The following ROBO1 variants were observed in gnomAD, a reference collection of about 807,000 sequenced individuals.
ROBO1 encodes the protein roundabout homolog 1.
Under a neutral mutation model 195.9 loss-of-function variants are expected in ROBO1, and 149 were observed. The ratio of observed to expected loss-of-function variants is 0.76; its 90% confidence interval spans 0.67 to 0.87. The LOEUF (loss-of-function observed/expected upper bound fraction) is 0.87, where lower values mean the gene tolerates loss of function less well. Among genes scored for constraint, ROBO1 ranks in the 40% least tolerant of loss-of-function variants. The probability of loss-of-function intolerance (pLI) is 0.00; values close to 1 mark genes in which losing one functional copy is unlikely to be tolerated. For synonymous variants in ROBO1, 816 were observed against 733.2 expected, an observed-to-expected ratio of 1.11 and a Z score of -1.82; for missense variants, 1,933 against 2,068.3, an observed-to-expected ratio of 0.93 and a Z score of 1.27.
intron 2 of ROBO1, among the ~76,000 whole-genome samples, chr3:79,153,568 T>C (rs1350323242): frequency 2.6e-5 from 4 of 151,518 alleles, no homozygotes; most frequent in Non-Finnish European, 5.9e-5. Flanking sequence ...TGCTATGTTA[T>C]TGTTAACACG....
intron 4 of ROBO1, among the ~76,000 whole-genome samples, chr3:78,764,077 A>G (rs1576116496): frequency 1.3e-5 from 2 of 152,180 alleles, no homozygotes; most frequent in Non-Finnish European, 2.9e-5. Context: ...AAGCAAACGA[A>G]AATTTTAATT....
chr3:79,531,465 TACAA>T (rs986614317), intron 2 of ROBO1, among the ~76,000 whole-genome samples: 32 of 152,056 alleles, frequency 2.1e-4, no homozygotes, highest in African/African-American at 6.3e-4. Context: ...CTACTAAAAA[TACAA>T]ACAATTAACC....
chr3:79,754,043 C>A lies in ROBO1; in HGVS notation c.-51+13709G>T, dbSNP rs1502311. 2.9e-4 allele frequency among the ~76,000 whole-genome samples: 44 copies of A among 151,934 alleles called. 1 individual carries two copies. Among genetic ancestry groups the A allele is most frequent in the African/African-American group, 9.9e-4 (41 of 41,444 alleles). On this transcript the variant is annotated intron_variant, in intron 1 of 30. Transcript: ENST00000464233. ...TAAGGGTGCGGGTGGTCTAAGGATA[C>A]AAGGAAATACCTTGTGAGAAAAGAT...
At position 78,661,183 on chromosome 3, in the gene ROBO1, A is replaced by G; in HGVS notation, c.2167T>C (p.Trp723Arg). Residue 723 changes from tryptophan to arginine, a missense_variant, in exon 16 of 31, where the codon TGG (tryptophan) becomes CGG (arginine). By Grantham distance (101) the Trp-to-Arg change is moderately radical. This residue lies in a region of ROBO1 where 1,737 missense variants were observed against 1,882.5 expected (regional missense o/e 0.92). Coordinates refer to ENST00000464233, the MANE Select transcript of ROBO1 (RefSeq NM_002941.4). Reference protein sequence around the residue: ...PSGANHGESDWLVFEVRTPAK... With the variant: ...PSGANHGESDRLVFEVRTPAK... ...GGCGTCCTCACTTCAAAAACTAACC[A>G]GTCTGATTCTCCGTGGTTGGCTCCA... is the stretch of plus-strand genomic sequence containing the variant. The G allele has an allele frequency of 6.2e-7, 1 of 1,613,590 alleles. No homozygotes were observed. The highest frequency in any genetic ancestry group is 8.5e-7 in the Non-Finnish European group (1 of 1,179,744).
intron 2 of ROBO1, among the ~76,000 whole-genome samples, chr3:79,237,087 A>T (rs150826222): frequency 3.4e-3 from 520 of 152,344 alleles, no homozygotes; most frequent in Non-Finnish European, 6.2e-3. Flanking sequence ...GCTGCCATTA[A>T]CAAAAAACAA....
intron 27 of ROBO1, 71 bp downstream of exon 27, chr3:78,617,564 G>T (rs1704184854): frequency 1.4e-6 from 2 of 1,463,696 alleles, no homozygotes; most frequent in African/African-American, 2.8e-5. Context: ...AAGATCATAG[G>T]ACAGAATCAG....
intron 4 of ROBO1, among the ~76,000 whole-genome samples, chr3:78,762,133 C>A (rs921619055): frequency 6.6e-6 from 1 of 151,842 alleles, no homozygotes; most frequent in Admixed American, 6.6e-5. Context: ...AATAGGTATT[C>A]ATGACTAAAT....
intron 1 of ROBO1, among the ~76,000 whole-genome samples, chr3:79,598,100 A>G (rs1212795441): frequency 6.6e-6 from 1 of 152,078 alleles, no homozygotes; most frequent in Non-Finnish European, 1.5e-5. Flanking sequence ...ATAGTGATAA[A>G]CCTCAGGCTG....
intron 2 of ROBO1, among the ~76,000 whole-genome samples, chr3:79,513,493 A>T (rs1940809941): frequency 6.6e-6 from 1 of 152,108 alleles, no homozygotes; most frequent in African/African-American, 2.4e-5. Flanking sequence ...TAATTAAATT[A>T]TTCTTCTCAT....
chr3:79,454,156 T>A (rs1367006880), intron 2 of ROBO1, among the ~76,000 whole-genome samples: 2 of 145,780 alleles, frequency 1.4e-5, no homozygotes. Context: ...CTCCAAAACA[T>A]TACGCAGAGC....
chr3:79,070,215 C>T (rs939878013), intron 3 of ROBO1, among the ~76,000 whole-genome samples: 16 of 151,892 alleles, frequency 1.1e-4, no homozygotes, highest in Admixed American at 5.9e-4. Context: ...GTGGTAGTCC[C>T]ACTCTGATTT....
At chr3:79,758,712 G>A (rs1704536452) in intron 1 of ROBO1, among the ~76,000 whole-genome samples, 1 of 152,130 alleles carries the variant, frequency 6.6e-6, no homozygotes, top group African/African-American at 2.4e-5. Flanking sequence ...TTGAGGGAGG[G>A]TAAAGTGTAC....
At chr3:79,453,272 T>C (rs1575845246) in intron 2 of ROBO1, among the ~76,000 whole-genome samples, 1 of 152,022 alleles carries the variant, frequency 6.6e-6, no homozygotes, top group African/African-American at 2.4e-5. Flanking sequence ...AAAAGACCAT[T>C]TAGCATTGCC....
chr3:79,337,067 C>A (rs901773789), intron 2 of ROBO1, among the ~76,000 whole-genome samples: 1 of 152,178 alleles, frequency 6.6e-6, no homozygotes, highest in African/African-American at 2.4e-5. Flanking sequence ...GCCTGTACCT[C>A]CATTGTATTT....
At chr3:79,122,434 A>C (rs567821650) in intron 3 of ROBO1, among the ~76,000 whole-genome samples, 1 of 152,102 alleles carries the variant, frequency 6.6e-6, no homozygotes, top group South Asian at 2.1e-4. Context: ...GGAGAAAAGG[A>C]ATCAATATGT....
chr3:79,398,985 C>T (rs1001218612), intron 2 of ROBO1, among the ~76,000 whole-genome samples: 1 of 151,756 alleles, frequency 6.6e-6, no homozygotes, highest in Non-Finnish European at 1.5e-5. Context: ...AGAGTGAATG[C>T]CTGTCTTAAG....
rs1016138743 is a variant in ROBO1, at chr3:78,943,688, T to C, written c.173-4761A>G. Reference sequence around the variant, plus strand: ...GCCACTGAACTCTTTTTTATTTTTATTTTTTGCAGAATATCCCACTGAACT... The same window carrying C: ...GCCACTGAACTCTTTTTTATTTTTACTTTTTGCAGAATATCCCACTGAACT... On this transcript the variant is annotated intron_variant, in intron 3 of 30. Coordinates refer to ENST00000464233, the MANE Select transcript of ROBO1 (RefSeq NM_002941.4). Among the ~76,000 whole-genome samples, 6 of 152,308 alleles carry C rather than the reference T, an allele frequency of 3.9e-5. No homozygotes were observed. The South Asian group carries it at 8.3e-4, about 21-fold the overall frequency.
intron 2 of ROBO1, among the ~76,000 whole-genome samples, chr3:79,565,398 G>C (rs981796777): frequency 6.6e-6 from 1 of 151,686 alleles, no homozygotes; most frequent in Admixed American, 6.6e-5. Flanking sequence ...AAGTGATACT[G>C]TATTACTATT....
chr3:79,089,986 C>G (rs143323386), intron 3 of ROBO1, among the ~76,000 whole-genome samples: 2 of 149,582 alleles, frequency 1.3e-5, no homozygotes, highest in South Asian at 4.2e-4. Flanking sequence ...GTTGCCCAGG[C>G]TGGAGTGCAG....
Sources: gnomAD v4.1 joint callset for allele counts (sites outside exome capture counted in the v4.1 genomes callset) on GRCh38, gnomAD v4.1.1 for gene constraint, gnomAD v4.1.1 regional missense constraint, MANE v1.5 for transcripts, NCBI Gene and HGNC (gene_info 2026-07-23, HGNC 2026-07-21) for gene names.